The following KMT2E variants were observed in gnomAD, a reference collection of about 807,000 sequenced individuals.
KMT2E encodes histone reader KMT2E.
KMT2E carries 30 observed loss-of-function variants against 184.6 expected under a neutral mutation model. The observed-to-expected ratio is 0.16, with a 90% CI of 0.12 to 0.22. The LOEUF is 0.22. Among genes scored for constraint, KMT2E ranks in the 10% least tolerant of loss-of-function variants. The pLI, the probability that KMT2E is intolerant of heterozygous loss-of-function variation, is 1.00. For synonymous variants in KMT2E, 815 were observed against 776.5 expected (o/e 1.05, Z -0.82); for missense variants, 2,023 against 2,237.4 (o/e 0.90, Z 1.93).
At chr7:105,085,788 A>G (rs1265785359) in intron 13 of KMT2E, among the ~76,000 whole-genome samples, 2 of 151,168 alleles carry the variant, frequency 1.3e-5, no homozygotes, top group Non-Finnish European at 2.9e-5. Context: ...GGTTCATGCC[A>G]TTCTCCCGCC....
In KMT2E at chr7:105,076,945, C is replaced by G. The variant is rs747650723; in HGVS notation, c.769-18C>G. The G allele has an allele frequency of 6.4e-7, 1 of 1,557,176 alleles. No individual in the cohort carries two copies. The highest frequency in any genetic ancestry group is 1.1e-5 in the South Asian group (1 of 89,666). The stretch of plus-strand genomic sequence containing the variant: ...AAGTCCGTAAGTCCAGATACTAAAG[C>G]TCAGTTTATGATTTTAGGGTTCAGC... On this transcript the variant is annotated intron_variant, in intron 9 of 26. Transcript: ENST00000311117.
intron 1 of KMT2E, among the ~76,000 whole-genome samples, chr7:105,027,994 A>C (rs1177293092): frequency 6.6e-6 from 1 of 152,174 alleles, no homozygotes; most frequent in Admixed American, 6.5e-5. Flanking sequence ...AGTGGCCAAC[A>C]GTATTCTGAT....
chr7:105,109,205 G>A lies in KMT2E; in HGVS notation c.3732G>A (p.Glu1244=), dbSNP rs746703199. Reference sequence around the variant, plus strand: ...CTGTTAAGGATGCTACTGCTAGTGAGAAGAATGAACCAGAAGTTCAATGGT... The same window carrying A: ...CTGTTAAGGATGCTACTGCTAGTGAAAAGAATGAACCAGAAGTTCAATGGT... The part of the protein sequence containing the change: ...NCPVKDATAS[E]KNEPEVQWTA... The change falls in exon 23 of 27, where the codon GAG becomes GAA. Residue 1244 remains glutamate (E), a synonymous_variant. Coordinates refer to ENST00000311117, the MANE Select transcript of KMT2E (RefSeq NM_182931.3). The A allele has an allele frequency of 5.6e-6, 9 of 1,613,938 alleles. No individual in the cohort carries two copies. In the South Asian group the frequency reaches 9.9e-5, roughly 18 times the overall value.
At chr7:105,090,336 C>T (rs1798149655) in intron 14 of KMT2E, 63 bp downstream of exon 14, 2 of 1,516,976 alleles carry the variant, frequency 1.3e-6, no homozygotes, top group Non-Finnish European at 1.8e-6. Context: ...CATATTTTAT[C>T]CTCTTCTTTG....
At chr7:105,031,923 A>G (rs1018481154) in intron 1 of KMT2E, among the ~76,000 whole-genome samples, 1 of 151,192 alleles carries the variant, frequency 6.6e-6, no homozygotes, top group African/African-American at 2.4e-5. Flanking sequence ...TACAAAAACT[A>G]TCTGGGCATG....
Position 105,076,970 on chromosome 7 carries a change from C to T in KMT2E, c.776C>T (p.Ala259Val), listed in dbSNP as rs1797555402. The change falls in exon 10 of 27, where the codon GCT becomes GTT. Residue 259 changes from alanine (A) to valine (V), a missense_variant. Around this residue, in one of 8 missense-constraint regions of KMT2E, gnomAD observed 191 missense variants for 209.0 expected, o/e 0.91. Coordinates refer to ENST00000311117, the MANE Select transcript of KMT2E (RefSeq NM_182931.3). Reference protein sequence around the residue: ...SRKSSRVKGSAPEIDPSSDGS... With the variant: ...SRKSSRVKGSVPEIDPSSDGS... ...CTCAGTTTATGATTTTAGGGTTCAG[C>T]TCCAGAGATTGATCCTTCATCTGAT... 1 of 1,609,604 alleles carries T rather than the reference C, an allele frequency of 6.2e-7. No individual in the cohort carries two copies. Among genetic ancestry groups the T allele is most frequent in the Non-Finnish European group, 8.5e-7 (1 of 1,177,832 alleles).
intron 26 of KMT2E, 146 bp downstream of exon 26, chr7:105,111,014 G>C: frequency 6.4e-6 from 4 of 628,916 alleles, no homozygotes; most frequent in Non-Finnish European, 1.1e-5. Context: ...ATACTCAATT[G>C]TGTTTACTAC....
chr7:105,025,463 A>G (rs1795140136), intron 1 of KMT2E, among the ~76,000 whole-genome samples: 1 of 152,132 alleles, frequency 6.6e-6, no homozygotes, highest in Non-Finnish European at 1.5e-5. Flanking sequence ...GGTGATCACT[A>G]TTTATAGTTT....
chr7:105,033,271 C>G (rs1795499311), intron 1 of KMT2E, among the ~76,000 whole-genome samples: 1 of 152,162 alleles, frequency 6.6e-6, no homozygotes, highest in Non-Finnish European at 1.5e-5. Context: ...GCTACCAATG[C>G]TTAAAAAGAG....
At chr7:105,040,200 A>G (rs896131699) in intron 2 of KMT2E, among the ~76,000 whole-genome samples, 2 of 152,200 alleles carry the variant, frequency 1.3e-5, no homozygotes, top group Non-Finnish European at 2.9e-5. Flanking sequence ...TGCAAACAGT[A>G]GAGTAGAATT....
intron 1 of KMT2E, among the ~76,000 whole-genome samples, chr7:105,016,967 T>C (rs1794741002): frequency 6.6e-6 from 1 of 152,192 alleles, no homozygotes; most frequent in South Asian, 2.1e-4. Context: ...AAATATTTTA[T>C]TATAAAGTGA....
At chr7:105,080,161 T>C (rs987186325) in intron 12 of KMT2E, among the ~76,000 whole-genome samples, 2 of 152,148 alleles carry the variant, frequency 1.3e-5, no homozygotes, top group Non-Finnish European at 2.9e-5. Flanking sequence ...ACTGGACGAC[T>C]TTCCTTCTAT....
intron 1 of KMT2E, among the ~76,000 whole-genome samples, chr7:105,029,502 A>C (rs1247218993): frequency 6.6e-6 from 1 of 152,228 alleles, no homozygotes; most frequent in Admixed American, 6.5e-5. Flanking sequence ...ATTACTTAGA[A>C]GTTGATAGTG....
chr7:105,081,360 G>A (rs1040213209), intron 12 of KMT2E, among the ~76,000 whole-genome samples: 13 of 151,998 alleles, frequency 8.6e-5, no homozygotes, highest in Admixed American at 2.6e-4. Flanking sequence ...CTCCAGCCTG[G>A]GCGAAAGTGT....
Position 105,091,134 on chromosome 7 carries a change from G to A in KMT2E, c.1624-82G>A, listed in dbSNP as rs917162894. On this transcript the variant is annotated intron_variant, in intron 14 of 26. Coordinates refer to ENST00000311117, the MANE Select transcript of KMT2E (RefSeq NM_182931.3). ...TGTACATGTTGAATTTGTTGTGGTT[G>A]AAAGACATTAAAATAGTTTAATGTC... is the stretch of plus-strand genomic sequence containing the variant. The A allele has an allele frequency of 4.7e-6, 3 of 635,918 alleles. No homozygotes were observed. The African/African-American group carries it at 5.5e-5, about 12-fold the overall frequency. 39.4% of individuals were successfully genotyped at this position (635,918 alleles called of 1,614,324 possible).
At chr7:105,078,212 A>G (rs902621852) in intron 11 of KMT2E, among the ~76,000 whole-genome samples, 4 of 152,214 alleles carry the variant, frequency 2.6e-5, no homozygotes, top group South Asian at 2.1e-4. Flanking sequence ...TGTGAACTCT[A>G]AAGACATCAA....
intron 1 of KMT2E, among the ~76,000 whole-genome samples, chr7:105,026,261 G>T (rs1428057513): frequency 2.6e-5 from 4 of 152,082 alleles, no homozygotes; most frequent in Non-Finnish European, 5.9e-5. Flanking sequence ...CTAAAAATGG[G>T]ACTTCAGGAT....
At chr7:105,084,693 T>C (rs778101239) in intron 13 of KMT2E, among the ~76,000 whole-genome samples, 5 of 151,718 alleles carry the variant, frequency 3.3e-5, no homozygotes, top group Non-Finnish European at 5.9e-5. Context: ...CCACAAGAGA[T>C]CACTTTTTAT....
At chr7:105,028,505 CT>C (rs372269088) in intron 1 of KMT2E, among the ~76,000 whole-genome samples, 2 of 148,068 alleles carry the variant, frequency 1.4e-5, no homozygotes, top group East Asian at 4.1e-4. Context: ...CTCTTTCTTG[CT>C]TTTTTTTGAG....
Sources: gnomAD v4.1 joint callset for allele counts (sites outside exome capture counted in the v4.1 genomes callset) on GRCh38, gnomAD v4.1.1 for gene constraint, gnomAD v4.1.1 regional missense constraint, MANE v1.5 for transcripts, NCBI Gene and HGNC (gene_info 2026-07-23, HGNC 2026-07-21) for gene names.